Variants in CASQ2 observed in about 807,000 individuals in gnomAD.
The protein encoded by CASQ2 is calsequestrin-2.
In CASQ2, 49 loss-of-function variants were observed where a neutral mutation model predicts 46.5. The ratio of observed to expected loss-of-function variants is 1.05; its 90% CI spans 0.84 to 1.34. The LOEUF is 1.34. Ranked by LOEUF, CASQ2 falls within the 40% of genes most tolerant of loss-of-function variation. The pLI is 0.00. For missense variants in CASQ2, 486 were observed against 481.3 expected (o/e 1.01, Z -0.09); for synonymous variants, 174 against 168.5 (o/e 1.03, Z -0.25).
Position 115,702,975 on chromosome 1 carries a change from C to A in CASQ2, c.960G>T (p.Lys320Asn). 6.2e-7 allele frequency: 1 copy of A among 1,613,444 alleles called. No individual in the cohort carries two copies. Among genetic ancestry groups the A allele is most frequent in the South Asian group, 1.1e-5 (1 of 90,876 alleles). The change falls in exon 10 of 11, where the codon AAG becomes AAT. Residue 320 changes from lysine (K) to asparagine (N), a missense_variant. Coordinates refer to ENST00000261448, the MANE Select transcript of CASQ2 (RefSeq NM_001232.4). ...DFPLLVAYWE[K>N]TFKIDLFRPQ... The stretch of plus-strand genomic sequence containing the variant: ...GCCTGAATAGGTCAATCTTGAAAGT[C>A]TTCTCCCAGTAGGCAACGAGCTGCA...
intron 1 of CASQ2, among the ~76,000 whole-genome samples, chr1:115,748,758 T>C (rs1256674906): frequency 6.6e-6 from 1 of 152,240 alleles, no homozygotes; most frequent in Non-Finnish European, 1.5e-5. Context: ...TTCTATTTAG[T>C]GCTGTCAAAA....
intron 4 of CASQ2, among the ~76,000 whole-genome samples, chr1:115,734,073 G>T (rs545106577): frequency 3.9e-4 from 60 of 152,212 alleles, no homozygotes; most frequent in Non-Finnish European, 6.5e-4. Context: ...GGGTTGGAAA[G>T]TCATGAGAAT....
intron 1 of CASQ2, among the ~76,000 whole-genome samples, chr1:115,761,503 A>C: frequency 2.2e-5 from 2 of 92,950 alleles, no homozygotes; most frequent in Non-Finnish European, 2.2e-5. Context: ...GAAGGAGAAG[A>C]AGAAGAAGAA....
rs529562535 is a variant in CASQ2, at chr1:115,701,413, C to T, written c.1028G>A (p.Trp343Ter). 8 of 1,612,068 alleles carry T rather than the reference C, an allele frequency of 5.0e-6. No individual in the cohort carries two copies. The African/African-American group carries it at 1.1e-4, about 22-fold the overall frequency. Residue 343 changes from tryptophan (W) to a stop codon, truncating the protein, a stop_gained, in exon 11 of 11, where the codon TGG becomes TAG. Coordinates refer to ENST00000261448, the MANE Select transcript of CASQ2 (RefSeq NM_001232.4). LOFTEE classifies it high-confidence loss of function. ...ATCGTCATCATCTGGAATCTCCATC[C>T]AGACACTGTCAGCCTGCAGTGAGGG... ...VVNVTDADSV[W>*]MEIPDDDDLP...
chr1:115,701,140 G>A lies in CASQ2; in HGVS notation c.*101C>T, dbSNP rs1433421951. 1.9e-6 allele frequency: 3 copies of A among 1,577,870 alleles called. No homozygotes were observed. Among genetic ancestry groups the A allele is most frequent in the Non-Finnish European group, 2.6e-6 (3 of 1,148,912 alleles). ...AAGAGATGATGGAAAAGGGAAAGGA[G>A]CTGGCTGGGTGTGGGGCAGAATTGC... On this transcript the variant is annotated 3_prime_UTR_variant, in exon 11 of 11. Transcript: ENST00000261448.
intron 9 of CASQ2, among the ~76,000 whole-genome samples, chr1:115,703,717 C>G (rs1205615679): frequency 6.6e-6 from 1 of 152,032 alleles, no homozygotes; most frequent in Non-Finnish European, 1.5e-5. Flanking sequence ...TTGAAACCAG[C>G]CTGAGCAACA....
chr1:115,751,914 A>G (rs1391359357), intron 1 of CASQ2, among the ~76,000 whole-genome samples: 1 of 152,104 alleles, frequency 6.6e-6, no homozygotes, highest in Non-Finnish European at 1.5e-5. Flanking sequence ...TCTATTTCTT[A>G]CTTAATACAA....
intron 1 of CASQ2, among the ~76,000 whole-genome samples, chr1:115,762,850 G>T (rs4240550): frequency 0.52 from 79,138 of 151,956 alleles, 21,557 homozygotes; most frequent in South Asian, 0.61. Context: ...AGAGGAAGGA[G>T]TCGATGATTC....
At chr1:115,730,785 G>A (rs563585287) in intron 5 of CASQ2, among the ~76,000 whole-genome samples, 45 of 152,108 alleles carry the variant, frequency 3.0e-4, no homozygotes, top group Admixed American at 5.2e-4. Context: ...TTTTGTGACC[G>A]CATTAGTGCT....
chr1:115,721,192 G>A (rs886964852), intron 7 of CASQ2, among the ~76,000 whole-genome samples: 2 of 152,182 alleles, frequency 1.3e-5, no homozygotes, highest in Non-Finnish European at 1.5e-5. Flanking sequence ...TCTTTTAGAA[G>A]AAATTGCTGA....
At chr1:115,737,492 G>A (rs1343808087) in intron 4 of CASQ2, among the ~76,000 whole-genome samples, 1 of 152,138 alleles carries the variant, frequency 6.6e-6, no homozygotes, top group Non-Finnish European at 1.5e-5. Flanking sequence ...CTCTCTCCAA[G>A]GCTGAGATAC....
chr1:115,767,028 G>C (rs1049378312), intron 1 of CASQ2, among the ~76,000 whole-genome samples: 3 of 152,132 alleles, frequency 2.0e-5, no homozygotes, highest in South Asian at 2.1e-4. Context: ...AGGCTAACTG[G>C]ACAGCGATGA....
intron 1 of CASQ2, among the ~76,000 whole-genome samples, chr1:115,749,150 G>T (rs1432558975): frequency 6.6e-6 from 1 of 152,160 alleles, no homozygotes; most frequent in Non-Finnish European, 1.5e-5. Context: ...TCTACCTTTG[G>T]CATAGGAGAG....
rs569125283 is a variant in CASQ2 at position 115,702,598 on chromosome 1, T to C, written c.1014+323A>G. 5.6e-4 allele frequency among the ~76,000 whole-genome samples: 85 copies of C among 152,364 alleles called. 1 individual carries two copies. The highest frequency in any genetic ancestry group is 1.8e-3 in the African/African-American group (76 of 41,586). ...ATGGCTCCTGGTGTGGGTTCCCTTT[T>C]GTAAAGAGACCTTTTTGTTTGCTGT... On this transcript the variant is annotated intron_variant, in intron 10 of 10. Transcript: ENST00000261448.
chr1:115,741,763 G>T (rs1216472469), intron 2 of CASQ2, among the ~76,000 whole-genome samples: 1 of 152,172 alleles, frequency 6.6e-6, no homozygotes, highest in Non-Finnish European at 1.5e-5. Flanking sequence ...ACAAATGCTT[G>T]TTGGAAAAAT....
At chr1:115,757,320 C>A (rs1020799699) in intron 1 of CASQ2, among the ~76,000 whole-genome samples, 1 of 152,136 alleles carries the variant, frequency 6.6e-6, no homozygotes, top group Non-Finnish European at 1.5e-5. Context: ...CAGAGAACTG[C>A]GATTTAAAAG....
intron 7 of CASQ2, among the ~76,000 whole-genome samples, chr1:115,719,402 T>C (rs1227466014): frequency 6.6e-6 from 1 of 152,204 alleles, no homozygotes; most frequent in Non-Finnish European, 1.5e-5. Flanking sequence ...CAGATGGGAG[T>C]GAGCGCTGTT....
chr1:115,749,659 T>C (rs1011204373), intron 1 of CASQ2, among the ~76,000 whole-genome samples: 6 of 152,208 alleles, frequency 3.9e-5, no homozygotes, highest in South Asian at 2.1e-4. Flanking sequence ...GTCTCCTTCA[T>C]GGGAGCCAAG....
intron 10 of CASQ2, among the ~76,000 whole-genome samples, chr1:115,702,199 G>A (rs1025209214): frequency 2.0e-5 from 3 of 151,804 alleles, no homozygotes; most frequent in African/African-American, 7.3e-5. Flanking sequence ...TGGGATTACA[G>A]GCATGAGCCA....
Sources: gnomAD v4.1 joint callset for allele counts (sites outside exome capture counted in the v4.1 genomes callset) on GRCh38, gnomAD v4.1.1 for gene constraint, MANE v1.5 for transcripts, NCBI Gene and HGNC (gene_info 2026-07-23, HGNC 2026-07-21) for gene names.